RASAL2: variants seen among roughly 807,000 people sequenced by gnomAD.
RASAL2 encodes RAS protein activator like 2.
RASAL2 carries 58 observed loss-of-function variants against 128.9 expected under a neutral mutation model. The ratio of observed to expected loss-of-function variants is 0.45; its 90% CI spans 0.36 to 0.56. The LOEUF (loss-of-function observed/expected upper bound fraction) is 0.56, where lower values mean the gene tolerates loss of function less well. Among genes scored for constraint, RASAL2 ranks in the 20% least tolerant of loss-of-function variants. The pLI is 0.00. For synonymous variants in RASAL2, 561 were observed against 580.8 expected (o/e 0.97, Z 0.49); for missense variants, 1,360 against 1,601.6 (o/e 0.85, Z 2.57).
rs11806649 is a variant in RASAL2, at chr1:178,417,576, A to G, written c.565-2935A>G. On this transcript the variant is annotated intron_variant, in intron 4 of 17. Transcript: ENST00000367649. ...CGGAAGTTCAAGACCAGCCTGACCA[A>G]CATGGAAAAACACCATCTCTACCAA... Among the ~76,000 whole-genome samples the G allele has an allele frequency of 5.5e-3, 840 of 152,180 alleles. 10 individuals are homozygous for G. The highest frequency in any genetic ancestry group is 0.019 in the African/African-American group (785 of 41,514).
chr1:178,233,336 T>C (rs531017781), intron 1 of RASAL2, among the ~76,000 whole-genome samples: 1 of 152,314 alleles, frequency 6.6e-6, no homozygotes, highest in South Asian at 2.1e-4. Flanking sequence ...CTCCAAGCTA[T>C]CGAAGATCTT....
chr1:178,393,108 T>C (rs773544710), intron 4 of RASAL2, among the ~76,000 whole-genome samples: 7 of 152,178 alleles, frequency 4.6e-5, no homozygotes, highest in Non-Finnish European at 1.0e-4. Context: ...GAAAAAGTAG[T>C]GGTCCCCAAC....
Position 178,351,847 on chromosome 1 carries a change from G to A in RASAL2, c.458-38253G>A, listed in dbSNP as rs1670528884. Among the ~76,000 whole-genome samples the A allele has an allele frequency of 2.6e-5, 4 of 152,026 alleles. No individual in the cohort carries two copies. In the South Asian group the frequency reaches 8.3e-4, roughly 32 times the overall value. ...TACAAGTCTGAAACCCAGCAGAGCA[G>A]CCATTAGCCCTTTTCCCATTTAGAA... On this transcript the variant is annotated intron_variant, in intron 3 of 17. Coordinates refer to ENST00000367649, the MANE Select transcript of RASAL2 (RefSeq NM_170692.4).
chr1:178,279,529 A>G (rs1386611403), intron 1 of RASAL2, among the ~76,000 whole-genome samples: 3 of 152,022 alleles, frequency 2.0e-5, no homozygotes, highest in Non-Finnish European at 4.4e-5. Flanking sequence ...AGAATACCTC[A>G]TTGACTTTCT....
intron 1 of RASAL2, among the ~76,000 whole-genome samples, chr1:178,175,075 CCTTT>C (rs1661837703): frequency 6.6e-6 from 1 of 151,998 alleles, no homozygotes; most frequent in African/African-American, 2.4e-5. Context: ...TTGACTATTG[CCTTT>C]GGAATTAACT....
At chr1:178,383,771 A>C (rs1672405267) in intron 3 of RASAL2, among the ~76,000 whole-genome samples, 1 of 152,184 alleles carries the variant, frequency 6.6e-6, no homozygotes, top group African/African-American at 2.4e-5. Flanking sequence ...CAGCATGGAG[A>C]GAGAAGTTAT....
chr1:178,121,086 A>T (rs557995229), intron 1 of RASAL2: 2 of 152,284 alleles, frequency 1.3e-5, no homozygotes, highest in South Asian at 4.1e-4. Context: ...AAGTTTTTCC[A>T]GGTGAGTATC....
intron 3 of RASAL2, chr1:178,389,399 A>T (rs1462084814): frequency 1.1e-5 from 5 of 449,628 alleles, no homozygotes; most frequent in South Asian, 9.4e-5. Flanking sequence ...AAAAAATCTT[A>T]AAAATGTAGC....
At chr1:178,406,751 T>C (rs1674025381) in intron 4 of RASAL2, among the ~76,000 whole-genome samples, 1 of 151,994 alleles carries the variant, frequency 6.6e-6, no homozygotes, top group Admixed American at 6.6e-5. Context: ...TTGGTCCCTC[T>C]AGCAGATCTT....
At chr1:178,145,215 CA>C (rs1212759762) in intron 1 of RASAL2, among the ~76,000 whole-genome samples, 2 of 149,100 alleles carry the variant, frequency 1.3e-5, no homozygotes, top group Non-Finnish European at 3.0e-5. Context: ...ATTGTTTATT[CA>C]AAAAACAAAT....
chr1:178,281,585 G>T (rs1666786286), intron 1 of RASAL2, among the ~76,000 whole-genome samples: 1 of 152,080 alleles, frequency 6.6e-6, no homozygotes, highest in African/African-American at 2.4e-5. Flanking sequence ...GTGTTTTCTT[G>T]CTAAAGTTAA....
chr1:178,439,351 T>C (rs1437675749), intron 5 of RASAL2, 71 bp from the exon 6 acceptor site: 5 of 1,341,394 alleles, frequency 3.7e-6, no homozygotes, highest in Non-Finnish European at 5.1e-6. Flanking sequence ...ATTGTTATCC[T>C]CCATTGCATT....
intron 3 of RASAL2, among the ~76,000 whole-genome samples, chr1:178,359,225 A>G (rs535383536): frequency 2.6e-5 from 4 of 152,334 alleles, no homozygotes; most frequent in East Asian, 3.9e-4. Context: ...TGATACTACC[A>G]TTCATTTGGA....
intron 14 of RASAL2, among the ~76,000 whole-genome samples, chr1:178,458,755 A>G (rs1677968609): frequency 1.3e-5 from 2 of 152,204 alleles, no homozygotes; most frequent in Admixed American, 6.5e-5. Context: ...AGAGTCTAAC[A>G]AACACGCAGA....
At chr1:178,328,297 A>G (rs2102359133) in intron 3 of RASAL2, among the ~76,000 whole-genome samples, 1 of 152,124 alleles carries the variant, frequency 6.6e-6, no homozygotes, top group Non-Finnish European at 1.5e-5. Context: ...TAGTAGGTGT[A>G]TATATTTATG....
intron 5 of RASAL2, among the ~76,000 whole-genome samples, chr1:178,433,344 T>C (rs1232413587): frequency 6.6e-6 from 1 of 152,112 alleles, no homozygotes; most frequent in African/African-American, 2.4e-5. Flanking sequence ...TTAGTGCTCA[T>C]AGAGCCTTTT....
chr1:178,159,289 G>A (rs755945824), intron 1 of RASAL2, among the ~76,000 whole-genome samples: 68 of 152,034 alleles, frequency 4.5e-4, no homozygotes, highest in African/African-American at 1.5e-3. Flanking sequence ...GAAACATTGC[G>A]AATGAGGTGA....
intron 15 of RASAL2, among the ~76,000 whole-genome samples, chr1:178,465,289 T>G (rs1647559220): frequency 1.3e-5 from 2 of 152,202 alleles, no homozygotes; most frequent in Non-Finnish European, 2.9e-5. Context: ...TGGAATACTT[T>G]ACACTTTTAT....
At chr1:178,401,863 T>C (rs568427157) in intron 4 of RASAL2, among the ~76,000 whole-genome samples, 1 of 152,252 alleles carries the variant, frequency 6.6e-6, no homozygotes, top group South Asian at 2.1e-4. Context: ...ATCATAAGAT[T>C]TAGGGCCCGC....
Sources: allele counts gnomAD v4.1 joint callset (sites outside exome capture counted in the v4.1 genomes callset), GRCh38; gene constraint gnomAD v4.1.1; transcripts MANE v1.5; gene names NCBI Gene and HGNC (gene_info 2026-07-23, HGNC 2026-07-21).